Variants in INTS4 observed in about 807,000 individuals in gnomAD.
INTS4 encodes MSTP093.
INTS4 carries 70 observed loss-of-function variants against 119.5 expected under a neutral mutation model. The observed-to-expected ratio is 0.59, with a 90% confidence interval of 0.48 to 0.71. The LOEUF (loss-of-function observed/expected upper bound fraction) is 0.71, where lower values mean the gene tolerates loss of function less well. Among genes scored for constraint, INTS4 ranks in the 30% least tolerant of loss-of-function variants. The pLI is 0.00. For synonymous variants in INTS4, 316 were observed against 419.6 expected, an observed-to-expected ratio of 0.75 and a Z score of 3.02; for missense variants, 867 against 1,173.2, an observed-to-expected ratio of 0.74 and a Z score of 3.81.
chr11:77,897,577 T>C (rs1952581747), intron 18 of INTS4, among the ~76,000 whole-genome samples: 2 of 151,438 alleles, frequency 1.3e-5, no homozygotes, highest in Admixed American at 1.3e-4. Context: ...CTCAGCTCAC[T>C]GCAAGCTCCA....
At chr11:77,961,936 G>T (rs1954486465) in intron 4 of INTS4, among the ~76,000 whole-genome samples, 2 of 152,154 alleles carry the variant, frequency 1.3e-5, no homozygotes, top group African/African-American at 4.8e-5. Flanking sequence ...CTTGTATGTG[G>T]CTTTTGGTGT....
chr11:77,979,915 T>G (rs570816336), intron 3 of INTS4, among the ~76,000 whole-genome samples: 1 of 147,178 alleles, frequency 6.8e-6, no homozygotes, highest in African/African-American at 2.5e-5. Context: ...GAGGCGGAGG[T>G]TGCAGTGAGC....
At chr11:77,983,897 T>A (rs1856347201) in intron 2 of INTS4, among the ~76,000 whole-genome samples, 1 of 152,190 alleles carries the variant, frequency 6.6e-6, no homozygotes, top group Non-Finnish European at 1.5e-5. Flanking sequence ...CTCAAAAAAA[T>A]TTAAAGCAGG....
At chr11:77,913,950 A>C (rs564287605) in intron 15 of INTS4, among the ~76,000 whole-genome samples, 1 of 152,204 alleles carries the variant, frequency 6.6e-6, no homozygotes, top group Non-Finnish European at 1.5e-5. Flanking sequence ...CCAGGGGTCA[A>C]CTGATCTAAT....
At chr11:77,936,762 A>C (rs1464504260) in intron 10 of INTS4, among the ~76,000 whole-genome samples, 1 of 152,134 alleles carries the variant, frequency 6.6e-6, no homozygotes, top group Non-Finnish European at 1.5e-5. Context: ...AACTGGAGAA[A>C]GAAAGGAAGG....
At chr11:77,922,618 A>T in intron 12 of INTS4, 147 bp from the exon 13 acceptor site, 3 of 889,512 alleles carry the variant, frequency 3.4e-6, no homozygotes, top group Non-Finnish European at 5.1e-6. Flanking sequence ...CAGATAAGTC[A>T]CCCAGTTATT....
chr11:77,904,079 A>G (rs1314567003), intron 16 of INTS4, among the ~76,000 whole-genome samples: 1 of 152,184 alleles, frequency 6.6e-6, no homozygotes, highest in African/African-American at 2.4e-5. Context: ...ACTAGAAATC[A>G]AGCAGCTTTC....
chr11:77,887,756 C>A (rs960350781), intron 21 of INTS4, among the ~76,000 whole-genome samples: 3 of 152,176 alleles, frequency 2.0e-5, no homozygotes, highest in African/African-American at 7.2e-5. Context: ...GCAAAAATCA[C>A]AAGCATTCTT....
intron 4 of INTS4, chr11:77,978,093 T>C (rs946005790): frequency 2.0e-5 from 3 of 152,098 alleles, no homozygotes; most frequent in Admixed American, 2.0e-4. Context: ...GGTTTCACCA[T>C]GTTGGTCAGG....
chr11:77,970,864 T>C (rs1855701863), intron 4 of INTS4, among the ~76,000 whole-genome samples: 1 of 152,130 alleles, frequency 6.6e-6, no homozygotes, highest in African/African-American at 2.4e-5. Flanking sequence ...CAGGCTGGAA[T>C]GCAATGGGAA....
intron 15 of INTS4, among the ~76,000 whole-genome samples, chr11:77,917,609 C>T (rs1265295936): frequency 3.3e-5 from 5 of 151,648 alleles, no homozygotes; most frequent in Non-Finnish European, 7.4e-5. Context: ...TGCACCTGGC[C>T]GATATAATAT....
At position 77,900,472 on chromosome 11, in the gene INTS4, A is replaced by G. The variant is rs190944054; in HGVS notation, c.2228+949T>C. ...ACTATCAAGATACGTGAAGAAATAAAATATTTTATTTTTCAGGATGTTATT... is the reference window on the plus strand; with the variant it reads ...ACTATCAAGATACGTGAAGAAATAAGATATTTTATTTTTCAGGATGTTATT... On this transcript the variant is annotated intron_variant, in intron 18 of 22. Transcript: ENST00000534064. The G allele has an allele frequency of 4.3e-5, 24 of 562,122 alleles. No individual in the cohort carries two copies. In the Admixed American group the frequency reaches 6.6e-4, roughly 15 times the overall value. 34.8% of individuals were successfully genotyped at this position (562,122 alleles called of 1,614,324 possible).
At chr11:77,956,587 A>T (rs1313964559) in intron 7 of INTS4, among the ~76,000 whole-genome samples, 3 of 152,006 alleles carry the variant, frequency 2.0e-5, no homozygotes, top group Non-Finnish European at 4.4e-5. Flanking sequence ...CATGTCTGCA[A>T]TTCCAGCTAC....
intron 4 of INTS4, among the ~76,000 whole-genome samples, chr11:77,969,771 A>G (rs1855641748): frequency 6.6e-6 from 1 of 152,050 alleles, no homozygotes; most frequent in South Asian, 2.1e-4. Context: ...CTGCAAAAAA[A>G]AAAAAAAAGC....
At chr11:77,944,236 C>T (rs367705806) in intron 8 of INTS4, among the ~76,000 whole-genome samples, 1 of 151,808 alleles carries the variant, frequency 6.6e-6, no homozygotes, top group Non-Finnish European at 1.5e-5. Flanking sequence ...AAGATAGACT[C>T]GAGGCTACAA....
chr11:77,920,457 T>A (rs1953331019), intron 14 of INTS4, among the ~76,000 whole-genome samples: 1 of 151,868 alleles, frequency 6.6e-6, no homozygotes, highest in African/African-American at 2.4e-5. Flanking sequence ...GATCTATTTT[T>A]AAATTTTCTT....
intron 9 of INTS4, among the ~76,000 whole-genome samples, chr11:77,940,529 G>A (rs543461490): frequency 9.3e-4 from 142 of 152,282 alleles, no homozygotes; most frequent in African/African-American, 3.3e-3. Context: ...TGCTGAAAAG[G>A]AGTCCTAAAA....
At chr11:77,975,151 T>C (rs995156054) in intron 4 of INTS4, among the ~76,000 whole-genome samples, 1 of 152,186 alleles carries the variant, frequency 6.6e-6, no homozygotes, top group African/African-American at 2.4e-5. Flanking sequence ...TGGGTGCTTC[T>C]TTTTCCAGCA....
intron 12 of INTS4, among the ~76,000 whole-genome samples, chr11:77,924,164 G>T (rs1458416627): frequency 2.7e-5 from 4 of 150,750 alleles, no homozygotes; most frequent in African/African-American, 7.3e-5. Context: ...GGAGGCCGGG[G>T]CAGGGGGATC....
Sources: gnomAD v4.1 joint callset for allele counts (sites outside exome capture counted in the v4.1 genomes callset) on GRCh38, gnomAD v4.1.1 for gene constraint, MANE v1.5 for transcripts, NCBI Gene and HGNC (gene_info 2026-07-23, HGNC 2026-07-21) for gene names.